The following VAV3 variants were observed in gnomAD, a reference collection of about 807,000 sequenced individuals.
VAV3 encodes the protein vav guanine nucleotide exchange factor 3, also known as guanine nucleotide exchange factor VAV3.
In VAV3, 94 loss-of-function variants were observed where a neutral mutation model predicts 131.2. The ratio of observed to expected loss-of-function variants is 0.72; its 90% CI spans 0.61 to 0.85. VAV3 has a LOEUF of 0.85. Ranked by LOEUF, VAV3 falls within the 40% of genes least tolerant of loss-of-function variation. The pLI is 0.00. For synonymous variants in VAV3, 349 were observed against 342.0 expected (o/e 1.02, Z -0.22); for missense variants, 939 against 1,002.7 (o/e 0.94, Z 0.86).
intron 2 of VAV3, among the ~76,000 whole-genome samples, chr1:107,790,708 GAC>G (rs1209740247): frequency 2.2e-5 from 1 of 45,764 alleles, no homozygotes; most frequent in African/African-American, 8.1e-5. Flanking sequence ...TTTTTTTTGA[GAC>G]AGAGTCTTGC....
chr1:107,806,770 AG>A (rs1218426227), intron 2 of VAV3, among the ~76,000 whole-genome samples: 8 of 152,180 alleles, frequency 5.3e-5, no homozygotes, highest in Non-Finnish European at 1.0e-4. Flanking sequence ...CCCAAAAAAA[AG>A]AACTACAATC....
At chr1:107,661,435 G>T (rs1048408332) in intron 19 of VAV3, among the ~76,000 whole-genome samples, 2 of 152,104 alleles carry the variant, frequency 1.3e-5, no homozygotes, top group African/African-American at 4.8e-5. Context: ...ACCCTCCCAG[G>T]CAGATACACT....
chr1:107,937,490 C>T (rs939754541), intron 1 of VAV3, among the ~76,000 whole-genome samples: 1 of 152,214 alleles, frequency 6.6e-6, no homozygotes, highest in African/African-American at 2.4e-5. Context: ...AATTCTTAAA[C>T]TTACACCATT....
At position 107,571,280 on chromosome 1, in the gene VAV3, C is replaced by T. The variant is rs879458292; in HGVS notation, c.*2051G>A. 2 of 152,628 alleles carry T rather than the reference C, an allele frequency of 1.3e-5. No individual in the cohort carries two copies. Among genetic ancestry groups the T allele is most frequent in the Non-Finnish European group, 2.9e-5 (2 of 68,032 alleles). 9.5% of individuals were successfully genotyped at this position (152,628 alleles called of 1,614,324 possible). ...CAGGCAAGACAAAGTATATGGAAAA[C>T]ATTTACTTCTGTCTTTGGTATTAGA... On this transcript the variant is annotated 3_prime_UTR_variant, in exon 27 of 27. Transcript: ENST00000370056.
Position 107,683,522 on chromosome 1 carries a change from A to G in VAV3, c.1743T>C (p.Asn581=). ...CCTGTTTAGGAGTTCTTCGCAGTCCATTGGTCCGTTTCTGTGCAGTAAAGT... is the reference window on the plus strand; with the variant it reads ...CCTGTTTAGGAGTTCTTCGCAGTCCGTTGGTCCGTTTCTGTGCAGTAAAGT... ...GTLKLPEKRT[N]GLRRTPKQVD... is the part of the protein sequence containing the mutation. Residue 581 remains asparagine, a synonymous_variant, in exon 19 of 27, where the codon AAT becomes AAC. Transcript: ENST00000370056. 1 of 1,614,024 alleles carries G rather than the reference A, an allele frequency of 6.2e-7. No homozygotes were observed. Among genetic ancestry groups the G allele is most frequent in the Non-Finnish European group, 8.5e-7 (1 of 1,179,906 alleles).
chr1:107,735,943 A>G lies in VAV3; in HGVS notation c.1502+13025T>C, dbSNP rs551695298. 1.7e-4 allele frequency among the ~76,000 whole-genome samples: 26 copies of G among 152,366 alleles called. 1 individual carries two copies. The South Asian group carries it at 3.3e-3, about 19-fold the overall frequency. Reference sequence around the variant, plus strand: ...AGACCAATATCCCTGATGAACATCAATACAAAAATCCTCAATAAAATACTG... The same window carrying G: ...AGACCAATATCCCTGATGAACATCAGTACAAAAATCCTCAATAAAATACTG... On this transcript the variant is annotated intron_variant, in intron 15 of 26. Coordinates refer to ENST00000370056, the MANE Select transcript of VAV3 (RefSeq NM_006113.5).
At chr1:107,793,748 T>A (rs542404430) in intron 2 of VAV3, among the ~76,000 whole-genome samples, 1 of 152,340 alleles carries the variant, frequency 6.6e-6, no homozygotes, top group Non-Finnish European at 1.5e-5. Context: ...AGCTGGAGAA[T>A]GAACTGTCAA....
intron 15 of VAV3, among the ~76,000 whole-genome samples, chr1:107,743,346 T>C (rs1017186300): frequency 6.6e-6 from 1 of 151,934 alleles, no homozygotes; most frequent in South Asian, 2.1e-4. Context: ...CTATTCAGAT[T>C]TGATGTGCAG....
chr1:107,825,223 C>A (rs1028218477), intron 2 of VAV3, among the ~76,000 whole-genome samples: 8 of 152,106 alleles, frequency 5.3e-5, no homozygotes, highest in Admixed American at 2.6e-4. Context: ...AGATTATATG[C>A]AAACAGGGGC....
chr1:107,811,649 C>G (rs1054041280), intron 2 of VAV3, among the ~76,000 whole-genome samples: 2 of 152,034 alleles, frequency 1.3e-5, no homozygotes, highest in African/African-American at 4.8e-5. Flanking sequence ...AACTGGAATT[C>G]ATAAAAAAGC....
chr1:107,786,609 GTCA>G (rs1203818199), intron 2 of VAV3, among the ~76,000 whole-genome samples: 1 of 152,150 alleles, frequency 6.6e-6, no homozygotes, highest in Non-Finnish European at 1.5e-5. Context: ...TGTTGTCATT[GTCA>G]TCATCCTCAT....
intron 15 of VAV3, among the ~76,000 whole-genome samples, chr1:107,730,418 A>T (rs545307086): frequency 6.6e-6 from 1 of 152,314 alleles, no homozygotes; most frequent in Non-Finnish European, 1.5e-5. Context: ...AGCAGAACTT[A>T]AACTCTGAGA....
At chr1:107,820,778 AAAC>A (rs762359005) in intron 2 of VAV3, 75 of 152,144 alleles carry the variant, frequency 4.9e-4, no homozygotes, top group Non-Finnish European at 9.1e-4. Context: ...AATTAGGAAA[AAAC>A]TGACCTTCAT....
At chr1:107,908,732 G>A (rs1021101797) in intron 1 of VAV3, among the ~76,000 whole-genome samples, 2 of 151,730 alleles carry the variant, frequency 1.3e-5, no homozygotes, top group African/African-American at 4.8e-5. Context: ...ACAGGGGTAA[G>A]ATGTGACAGC....
chr1:107,639,046 A>C (rs1252554437), intron 20 of VAV3, among the ~76,000 whole-genome samples: 1 of 152,132 alleles, frequency 6.6e-6, no homozygotes, highest in African/African-American at 2.4e-5. Flanking sequence ...ATATGTATGG[A>C]CAACACATTA....
chr1:107,804,677 A>C (rs1666978887), intron 2 of VAV3, among the ~76,000 whole-genome samples: 1 of 152,232 alleles, frequency 6.6e-6, no homozygotes, highest in Admixed American at 6.5e-5. Flanking sequence ...TGTATTGTAC[A>C]TCATAATTGC....
intron 2 of VAV3, among the ~76,000 whole-genome samples, chr1:107,873,894 C>G (rs898360826): frequency 5.3e-5 from 8 of 152,260 alleles, no homozygotes; most frequent in Admixed American, 2.6e-4. Context: ...GTGGCTTCCC[C>G]ATATGCGCTG....
chr1:107,925,313 T>C (rs1002979383), intron 1 of VAV3, among the ~76,000 whole-genome samples: 7 of 152,180 alleles, frequency 4.6e-5, no homozygotes, highest in African/African-American at 9.7e-5. Flanking sequence ...CAGTAAGCTG[T>C]ATAATTATTT....
chr1:107,920,345 G>A (rs1028802275), intron 1 of VAV3, among the ~76,000 whole-genome samples: 7 of 152,094 alleles, frequency 4.6e-5, no homozygotes, highest in African/African-American at 1.2e-4. Flanking sequence ...GTATAAATAC[G>A]GCCATCCACT....
Sources: allele counts gnomAD v4.1 joint callset (sites outside exome capture counted in the v4.1 genomes callset), GRCh38; gene constraint gnomAD v4.1.1; transcripts MANE v1.5; gene names NCBI Gene and HGNC (gene_info 2026-07-23, HGNC 2026-07-21).